PTPRG: variants seen among roughly 807,000 people sequenced by gnomAD.
The protein encoded by PTPRG is protein tyrosine phosphatase receptor type G.
In PTPRG, 102 loss-of-function variants were observed where a neutral mutation model predicts 165.3. That is an observed-to-expected ratio of 0.62 (90% CI 0.53 to 0.73). The LOEUF is 0.73. PTPRG is among the 30% of genes least tolerant of loss of function. The pLI, the probability that PTPRG is intolerant of heterozygous loss-of-function variation, is 0.00. For missense variants in PTPRG, 1,866 were observed against 1,861.4 expected (o/e 1.00, Z -0.05); for synonymous variants, 675 against 669.5 (o/e 1.01, Z -0.13).
At chr3:61,922,995 A>G (rs531818776) in intron 2 of PTPRG, among the ~76,000 whole-genome samples, 10 of 152,156 alleles carry the variant, frequency 6.6e-5, no homozygotes, top group Non-Finnish European at 1.0e-4. Context: ...CTTATGCCCC[A>G]CTACGCCTTG....
In PTPRG at chr3:61,888,492, G is replaced by A. The variant is rs555178675; in HGVS notation, c.191-101133G>A. Among the ~76,000 whole-genome samples the A allele has an allele frequency of 1.7e-3, 256 of 151,956 alleles. 1 individual carries two copies. Among genetic ancestry groups the A allele is most frequent in the African/African-American group, 5.7e-3 (237 of 41,448 alleles). ...GGGACTGGCCCCTGCCACTATGCGCGGCTAATTTTTTTGTATTTTTAGTAG... is the reference window on the plus strand; with the variant it reads ...GGGACTGGCCCCTGCCACTATGCGCAGCTAATTTTTTTGTATTTTTAGTAG... On this transcript the variant is annotated intron_variant, in intron 2 of 29. Coordinates refer to ENST00000474889, the MANE Select transcript of PTPRG (RefSeq NM_002841.4).
chr3:61,904,318 A>C (rs919772645), intron 2 of PTPRG, among the ~76,000 whole-genome samples: 1 of 152,178 alleles, frequency 6.6e-6, no homozygotes, highest in Non-Finnish European at 1.5e-5. Context: ...AGTCTGAAAA[A>C]ATTTTGTGCC....
chr3:62,041,970 T>A (rs1700143165), intron 4 of PTPRG, among the ~76,000 whole-genome samples: 1 of 152,198 alleles, frequency 6.6e-6, no homozygotes, highest in Non-Finnish European at 1.5e-5. Flanking sequence ...CATCCTTGTT[T>A]AATGAATGAT....
chr3:62,182,564 G>A (rs1705698955), intron 8 of PTPRG, among the ~76,000 whole-genome samples: 1 of 152,226 alleles, frequency 6.6e-6, no homozygotes, highest in Non-Finnish European at 1.5e-5. Flanking sequence ...CAGGGGGTCA[G>A]GAGCATGACA....
rs1018752414 is a variant in PTPRG at position 61,847,273 on chromosome 3, C to A, written c.190+98291C>A. On this transcript the variant is annotated intron_variant, in intron 2 of 29. Transcript: ENST00000474889. Reference sequence around the variant, plus strand: ...GGAGAACACCACACAAATGTTAAGGCATGGATCAGGGCAAGGCATCTACTG... The same window carrying A: ...GGAGAACACCACACAAATGTTAAGGAATGGATCAGGGCAAGGCATCTACTG... Among the ~76,000 whole-genome samples the A allele has an allele frequency of 7.2e-5, 11 of 152,252 alleles. 1 individual carries two copies. The South Asian group carries it at 2.1e-3, about 29-fold the overall frequency.
chr3:62,144,857 T>G (rs1704062087), intron 6 of PTPRG, among the ~76,000 whole-genome samples: 1 of 152,164 alleles, frequency 6.6e-6, no homozygotes, highest in Non-Finnish European at 1.5e-5. Context: ...GTAAAAAGAC[T>G]TCAAAAGTGA....
intron 2 of PTPRG, among the ~76,000 whole-genome samples, chr3:61,937,750 T>C (rs959583367): frequency 2.6e-5 from 4 of 152,190 alleles, no homozygotes; most frequent in African/African-American, 9.7e-5. Context: ...AGGAGAACAT[T>C]GTGCTCATCA....
rs898338358 is a variant in PTPRG, at chr3:62,254,655, T to G, written c.2468-469T>G. Among the ~76,000 whole-genome samples, 6 of 152,020 alleles carry G rather than the reference T, an allele frequency of 3.9e-5. No individual in the cohort carries two copies. The highest frequency in any genetic ancestry group is 1.4e-4 in the African/African-American group (6 of 41,394). On this transcript the variant is annotated intron_variant, in intron 15 of 29. Coordinates refer to ENST00000474889, the MANE Select transcript of PTPRG (RefSeq NM_002841.4). The surrounding 1 kb of genome is among the most constrained non-coding windows in gnomAD (Gnocchi z 4.6). Reference sequence around the variant, plus strand: ...CTATCTATAATTGTGTATAAAGGATTGCTTAAAACTTATAAGATTGGAAAT... The same window carrying G: ...CTATCTATAATTGTGTATAAAGGATGGCTTAAAACTTATAAGATTGGAAAT...
intron 3 of PTPRG, among the ~76,000 whole-genome samples, chr3:61,995,698 T>G (rs536426323): frequency 0.15 from 15,679 of 106,802 alleles, 1,604 homozygotes; most frequent in Non-Finnish European, 0.18. Flanking sequence ...CTTCCTTCCT[T>G]CCTTCCTTCC....
intron 2 of PTPRG, among the ~76,000 whole-genome samples, chr3:61,913,932 C>T (rs896212528): frequency 2.6e-5 from 4 of 152,208 alleles, no homozygotes; most frequent in African/African-American, 9.6e-5. Context: ...TAGAGAAGAG[C>T]TCAGCTCTCA....
intron 1 of PTPRG, among the ~76,000 whole-genome samples, chr3:61,596,534 C>T (rs561921057): frequency 1.1e-3 from 166 of 152,154 alleles, no homozygotes; most frequent in Non-Finnish European, 1.9e-3. Context: ...AAGACACTTG[C>T]TATCTGAGGC....
chr3:62,223,759 A>G (rs552866979), intron 13 of PTPRG, among the ~76,000 whole-genome samples: 1 of 152,318 alleles, frequency 6.6e-6, no homozygotes, highest in East Asian at 1.9e-4. Context: ...GGGTCCTGGT[A>G]TGCCTCAAAT....
chr3:61,706,976 A>G (rs1193576524), intron 1 of PTPRG, among the ~76,000 whole-genome samples: 2 of 152,156 alleles, frequency 1.3e-5, no homozygotes, highest in African/African-American at 4.8e-5. Flanking sequence ...CCTAATTTTC[A>G]TGTTCCATGA....
intron 3 of PTPRG, among the ~76,000 whole-genome samples, chr3:61,997,066 G>A (rs1292859428): frequency 6.6e-6 from 1 of 152,176 alleles, no homozygotes; most frequent in African/African-American, 2.4e-5. Flanking sequence ...GGTTAAAAGT[G>A]TTAACTAATC....
At chr3:61,885,680 T>TCCTCCCCTCC (rs2038012753) in intron 2 of PTPRG, among the ~76,000 whole-genome samples, 2 of 2,948 alleles carry the variant, frequency 6.8e-4, no homozygotes, top group Non-Finnish European at 1.8e-3. Context: ...TCCTCTCCTC[T>TCCTCCCCTCC]CCTCTCCTCT....
intron 5 of PTPRG, among the ~76,000 whole-genome samples, chr3:62,092,307 G>A (rs1701965239): frequency 6.6e-6 from 1 of 151,866 alleles, no homozygotes; most frequent in Non-Finnish European, 1.5e-5. Flanking sequence ...GGCCGTGGTG[G>A]TGGGCGCCTG....
At chr3:62,089,683 A>G (rs1291425492) in intron 5 of PTPRG, among the ~76,000 whole-genome samples, 1 of 152,030 alleles carries the variant, frequency 6.6e-6, no homozygotes, top group African/African-American at 2.4e-5. Context: ...CTGTGCATTC[A>G]CTCACCTCAA....
At chr3:61,994,646 C>G (rs1346111774) in intron 3 of PTPRG, among the ~76,000 whole-genome samples, 1 of 152,202 alleles carries the variant, frequency 6.6e-6, no homozygotes, top group African/African-American at 2.4e-5. Context: ...TTTACTTTAC[C>G]TGGCTCTTAG....
intron 6 of PTPRG, among the ~76,000 whole-genome samples, chr3:62,148,241 A>G (rs939820116): frequency 1.3e-5 from 2 of 152,142 alleles, no homozygotes; most frequent in East Asian, 1.9e-4. Flanking sequence ...CATCATCTCT[A>G]TGGAGGGTGG....
Sources: gnomAD v4.1 joint callset for allele counts (sites outside exome capture counted in the v4.1 genomes callset) on GRCh38, gnomAD v4.1.1 for gene constraint, Gnocchi (gnomAD v3.1) non-coding constraint, MANE v1.5 for transcripts, NCBI Gene and HGNC (gene_info 2026-07-23, HGNC 2026-07-21) for gene names.